Variants in ZNF462 observed in about 807,000 individuals in gnomAD.
ZNF462 encodes zinc finger PBX1-interacting protein.
Under a neutral mutation model 201.9 loss-of-function variants are expected in ZNF462, and 10 were observed. The ratio of observed to expected loss-of-function variants is 0.05; its 90% confidence interval spans 0.03 to 0.08. The LOEUF (loss-of-function observed/expected upper bound fraction) is 0.08, where lower values mean the gene tolerates loss of function less well. Ranked by LOEUF, ZNF462 falls within the 10% of genes least tolerant of loss-of-function variation. The pLI is 1.00. For missense variants in ZNF462, 2,523 were observed against 3,168.3 expected (o/e 0.80, Z 4.89); for synonymous variants, 1,227 against 1,193.3 (o/e 1.03, Z -0.58).
rs929300635 is a variant in ZNF462 at position 106,963,202 on chromosome 9, G to C, written c.6428-8803G>C. ...AGTGTTAACAGCACTTGAGAAACAGGTATTTTGAGAATGGGAATTAAATCA... is the reference window on the plus strand; with the variant it reads ...AGTGTTAACAGCACTTGAGAAACAGCTATTTTGAGAATGGGAATTAAATCA... On this transcript the variant is annotated intron_variant, in intron 7 of 12. Coordinates refer to ENST00000277225, the MANE Select transcript of ZNF462 (RefSeq NM_021224.6). The surrounding 1 kb of genome is among the most constrained non-coding windows in gnomAD (Gnocchi z 4.7). Among the ~76,000 whole-genome samples, 3 of 152,050 alleles carry C rather than the reference G, an allele frequency of 2.0e-5. No homozygotes were observed. The highest frequency in any genetic ancestry group is 4.4e-5 in the Non-Finnish European group (3 of 67,994).
chr9:106,914,457 G>A (rs1043572485), intron 1 of ZNF462, among the ~76,000 whole-genome samples: 6 of 152,172 alleles, frequency 3.9e-5, no homozygotes, highest in African/African-American at 7.2e-5. Context: ...TGGGGCAAGC[G>A]GGGAATAAAA....
At chr9:106,947,994 A>G (rs1189984994) in intron 7 of ZNF462, among the ~76,000 whole-genome samples, 1 of 152,224 alleles carries the variant, frequency 6.6e-6, no homozygotes, top group Non-Finnish European at 1.5e-5. Flanking sequence ...GAGAAATTGT[A>G]TATCTGCATT....
In ZNF462 at chr9:106,933,918, G is replaced by A; in HGVS notation, c.6116+1369G>A. On this transcript the variant is annotated intron_variant, in intron 5 of 12. Transcript: ENST00000277225. This position sits in a 1 kb window ranked among gnomAD's most constrained non-coding sequence, Gnocchi z 4.3. ...GGGGTTCAGTTTGACTAATCCTTAA[G>A]TTACATGTAAAGGAATAGTGAAAGA... is the stretch of plus-strand genomic sequence containing the variant. Among the ~76,000 whole-genome samples, 1 of 152,102 alleles carries A rather than the reference G, an allele frequency of 6.6e-6. No homozygotes were observed. Among genetic ancestry groups the A allele is most frequent in the East Asian group, 1.9e-4 (1 of 5,188 alleles).
chr9:106,988,070 G>C (rs996507700), intron 10 of ZNF462, among the ~76,000 whole-genome samples: 1 of 152,046 alleles, frequency 6.6e-6, no homozygotes, highest in African/African-American at 2.4e-5. Context: ...GAACAGCATA[G>C]TACAGTTTGA....
rs760680567 is a variant in ZNF462, at chr9:106,963,243, C to T, written c.6428-8762C>T. 5.3e-5 allele frequency among the ~76,000 whole-genome samples: 8 copies of T among 151,988 alleles called. No individual in the cohort carries two copies. The highest frequency in any genetic ancestry group is 7.4e-5 in the Non-Finnish European group (5 of 67,982). On this transcript the variant is annotated intron_variant, in intron 7 of 12. Transcript: ENST00000277225. The surrounding 1 kb of genome is among the most constrained non-coding windows in gnomAD (Gnocchi z 4.7). ...AATTAAATCAAGGTACAAAGGAATTCGGATAGAACCGAGAACAATTTTTTA... is the reference window on the plus strand; with the variant it reads ...AATTAAATCAAGGTACAAAGGAATTTGGATAGAACCGAGAACAATTTTTTA...
intron 1 of ZNF462, among the ~76,000 whole-genome samples, chr9:106,899,875 G>C (rs925957129): frequency 6.6e-6 from 1 of 151,650 alleles, no homozygotes; most frequent in Non-Finnish European, 1.5e-5. Context: ...AGTTATTGGG[G>C]TACAGGTGGC....
intron 5 of ZNF462, among the ~76,000 whole-genome samples, chr9:106,934,798 T>C (rs567148063): frequency 6.6e-6 from 1 of 152,318 alleles, no homozygotes; most frequent in Non-Finnish European, 1.5e-5. Context: ...CTAATAATTA[T>C]TATGAAGTAC....
upstream of ZNF462, among the ~76,000 whole-genome samples, chr9:106,860,544 A>G (rs1564059533): frequency 6.6e-6 from 1 of 152,060 alleles, no homozygotes; most frequent in Non-Finnish European, 1.5e-5. This position sits in a 1 kb window ranked among gnomAD's most constrained non-coding sequence, Gnocchi z 7.1. Context: ...ACCCAAGCCA[A>G]CCCAGAAGGT....
At chr9:106,945,200 G>T (rs1831051649) in intron 7 of ZNF462, among the ~76,000 whole-genome samples, 1 of 152,144 alleles carries the variant, frequency 6.6e-6, no homozygotes. Flanking sequence ...ATTCATATAT[G>T]AAATGTAAGG....
intron 7 of ZNF462, among the ~76,000 whole-genome samples, chr9:106,942,828 C>A (rs1410211527): frequency 6.6e-6 from 1 of 152,184 alleles, no homozygotes; most frequent in Admixed American, 6.5e-5. Flanking sequence ...TAAAATTCAA[C>A]TATGTGTTTT....
At position 106,902,240 on chromosome 9, in the gene ZNF462, T is replaced by G. The variant is rs1372959801; in HGVS notation, c.-30-21114T>G. Among the ~76,000 whole-genome samples, 1 of 152,238 alleles carries G rather than the reference T, an allele frequency of 6.6e-6. No homozygotes were observed. Among genetic ancestry groups the G allele is most frequent in the Non-Finnish European group, 1.5e-5 (1 of 68,040 alleles). On this transcript the variant is annotated intron_variant, in intron 1 of 12. Coordinates refer to ENST00000277225, the MANE Select transcript of ZNF462 (RefSeq NM_021224.6). The surrounding 1 kb of genome is among the most constrained non-coding windows in gnomAD (Gnocchi z 4.2). ...ATCACATTTATTGACTCATGTATGT[T>G]AAACCATCCCTGCATCCCTGGTATG...
Position 106,882,260 on chromosome 9 carries a change from A to G in ZNF462, c.-31+18905A>G, listed in dbSNP as rs529474528. Among the ~76,000 whole-genome samples the G allele has an allele frequency of 5.9e-5, 9 of 152,360 alleles. No individual in the cohort carries two copies. In the East Asian group the frequency reaches 1.2e-3, roughly 20 times the overall value. On this transcript the variant is annotated intron_variant, in intron 1 of 12. Coordinates refer to ENST00000277225, the MANE Select transcript of ZNF462 (RefSeq NM_021224.6). ...GTCTCCCTTGCTCACTAGTGCCTTG[A>G]GCAATGCCTAAAACAGATGTACACA...
Position 107,005,840 on chromosome 9 carries a change from A to AT in ZNF462, c.7189+2418dup, listed in dbSNP as rs1481094770. Among the ~76,000 whole-genome samples, 1 of 152,214 alleles carries AT rather than the reference A, an allele frequency of 6.6e-6. No homozygotes were observed. The highest frequency in any genetic ancestry group is 1.5e-5 in the Non-Finnish European group (1 of 68,000). ...GGTCTTATATTCAAGTTTTTAATTC[A>AT]TTTTGAGACGATTTTTGTATCTGGT... On this transcript the variant is annotated intron_variant, in intron 11 of 12. Coordinates refer to ENST00000277225, the MANE Select transcript of ZNF462 (RefSeq NM_021224.6). This position sits in a 1 kb window ranked among gnomAD's most constrained non-coding sequence, Gnocchi z 4.4.
intron 10 of ZNF462, among the ~76,000 whole-genome samples, chr9:106,997,758 G>A (rs1255241881): frequency 6.6e-6 from 1 of 152,076 alleles, no homozygotes; most frequent in East Asian, 1.9e-4. Context: ...AGACCACTTG[G>A]TACGTTAGGG....
chr9:106,928,059 G>C lies in ZNF462; in HGVS notation c.4147G>C (p.Asp1383His). The C allele has an allele frequency of 6.2e-7, 1 of 1,614,142 alleles. No homozygotes were observed. Among genetic ancestry groups the C allele is most frequent in the South Asian group, 1.1e-5 (1 of 91,078 alleles). ...TGTTTTCGAAGCTGTTTCCATCTGG[G>C]ACATCACTAATCACTACCAAGCATT... ...DCVFEAVSIW[D>H]ITNHYQAFHP... Residue 1383 changes from aspartate (D) to histidine (H), a missense_variant, in exon 3 of 13, where the codon GAC (aspartate) becomes CAC (histidine). Coordinates refer to ENST00000277225, the MANE Select transcript of ZNF462 (RefSeq NM_021224.6). This position sits in a 1 kb window ranked among gnomAD's most constrained non-coding sequence, Gnocchi z 9.3.
intron 1 of ZNF462, among the ~76,000 whole-genome samples, chr9:106,897,288 AT>A (rs1018910918): frequency 2.0e-5 from 3 of 152,016 alleles, no homozygotes; most frequent in South Asian, 2.1e-4. Flanking sequence ...TTTGCAACTT[AT>A]TTTTTCACTT....
In ZNF462 at chr9:107,012,732, C is replaced by CTTTTTTTTTTT. The variant is rs1829993725; in HGVS notation, c.*1704_*1705insTTTTTTTTTTT. The CTTTTTTTTTTT allele has an allele frequency of 4.6e-5, 1 of 21,828 alleles. No homozygotes were observed. Among genetic ancestry groups the CTTTTTTTTTTT allele is most frequent in the Admixed American group, 5.8e-4 (1 of 1,712 alleles). 1.4% of individuals were successfully genotyped at this position (21,828 alleles called of 1,614,324 possible). On this transcript the variant is annotated 3_prime_UTR_variant, in exon 13 of 13. Transcript: ENST00000277225. ...TCATGTTTTTTTTTTTTTTTTTTTACTTGGAAGGGTTGTGGGAGGGTGGGA... is the reference window on the plus strand; with the variant it reads ...TCATGTTTTTTTTTTTTTTTTTTTACTTTTTTTTTTTTTGGAAGGGTTGTGGGAGGGTGGGA...
Position 106,930,128 on chromosome 9 carries a change from T to A in ZNF462, c.5847+369T>A, listed in dbSNP as rs1389674940. ...GTACCATTAGCACTTCTCAGCCATG[T>A]CTTGGTCTTCAGTGTTTGCTACATG... On this transcript the variant is annotated intron_variant, in intron 3 of 12. Transcript: ENST00000277225. This position sits in a 1 kb window ranked among gnomAD's most constrained non-coding sequence, Gnocchi z 5.8. Among the ~76,000 whole-genome samples, 1 of 152,210 alleles carries A rather than the reference T, an allele frequency of 6.6e-6. No homozygotes were observed. The highest frequency in any genetic ancestry group is 1.5e-5 in the Non-Finnish European group (1 of 68,042).
At position 106,932,571 on chromosome 9, in the gene ZNF462, C is replaced by G. The variant is rs1023087427; in HGVS notation, c.6116+22C>G. The G allele has an allele frequency of 1.3e-5, 21 of 1,614,144 alleles. No homozygotes were observed. The highest frequency in any genetic ancestry group is 1.7e-5 in the Non-Finnish European group (20 of 1,180,014). ...ACAAGTAAGTGCTATTGGGGGGTCA[C>G]TAGTGGTTACTGGGAGATGATGTCA... On this transcript the variant is annotated intron_variant, in intron 5 of 12. Transcript: ENST00000277225. This position sits in a 1 kb window ranked among gnomAD's most constrained non-coding sequence, Gnocchi z 6.8.
Sources: gnomAD v4.1 joint callset for allele counts (sites outside exome capture counted in the v4.1 genomes callset) on GRCh38, gnomAD v4.1.1 for gene constraint, Gnocchi (gnomAD v3.1) non-coding constraint, MANE v1.5 for transcripts, NCBI Gene and HGNC (gene_info 2026-07-23, HGNC 2026-07-21) for gene names.